Variants in DNAH2 observed in about 807,000 individuals in gnomAD.
The protein encoded by DNAH2 is axonemal beta dynein heavy chain 2.
DNAH2 carries 323 observed loss-of-function variants against 523.5 expected under a neutral mutation model. The observed-to-expected ratio is 0.62, with a 90% CI of 0.56 to 0.68. DNAH2 has a LOEUF of 0.68. Among genes scored for constraint, DNAH2 ranks in the 30% least tolerant of loss-of-function variants. DNAH2 has a pLI of 0.00. For synonymous variants in DNAH2, 2,093 were observed against 2,177.4 expected, an observed-to-expected ratio of 0.96 and a Z score of 1.08; for missense variants, 4,907 against 5,701.5, an observed-to-expected ratio of 0.86 and a Z score of 4.49.
chr17:7,766,875 C>T (rs2076184695), intron 22 of DNAH2, among the ~76,000 whole-genome samples: 1 of 151,920 alleles, frequency 6.6e-6, no homozygotes, highest in Non-Finnish European at 1.5e-5. Context: ...GTCTCGAACT[C>T]CTGACCTCAG....
intron 12 of DNAH2, among the ~76,000 whole-genome samples, chr17:7,753,268 A>T (rs567023786): frequency 1.5e-4 from 23 of 152,124 alleles, no homozygotes; most frequent in South Asian, 1.0e-3. Context: ...GTTTCTAGAC[A>T]CATTGAGTTT....
At chr17:7,826,562 T>G (rs576306869) in intron 77 of DNAH2, among the ~76,000 whole-genome samples, 1 of 130,332 alleles carries the variant, frequency 7.7e-6, no homozygotes, top group Non-Finnish European at 1.6e-5. Flanking sequence ...TTTTTTGAGA[T>G]GGAGCCTCAC....
chr17:7,792,835 G>C lies in DNAH2; in HGVS notation c.7324G>C (p.Val2442Leu). 6.2e-7 allele frequency: 1 copy of C among 1,614,138 alleles called. No individual in the cohort carries two copies. The highest frequency in any genetic ancestry group is 8.5e-7 in the Non-Finnish European group (1 of 1,179,994). Reference sequence around the variant, plus strand: ...GCCCTCCAGCCAGTGGTCGGTGCTCGTTGTCAACATGTCCGCACAGGTGTG... The same window carrying C: ...GCCCTCCAGCCAGTGGTCGGTGCTCCTTGTCAACATGTCCGCACAGGTGTG... ...SLPSSQWSVL[V>L]VNMSAQTTSN... Residue 2442 changes from valine to leucine, a missense_variant, in exon 47 of 86, where the codon GTT becomes CTT. Coordinates refer to ENST00000572933, the MANE Select transcript of DNAH2 (RefSeq NM_020877.5).
chr17:7,814,040 G>A (rs1034300803), intron 63 of DNAH2, among the ~76,000 whole-genome samples: 1 of 151,918 alleles, frequency 6.6e-6, no homozygotes, highest in South Asian at 2.1e-4. Flanking sequence ...AAATGATTCT[G>A]TGCATGGACT....
At chr17:7,761,204 T>A (rs1431050700) in intron 18 of DNAH2, among the ~76,000 whole-genome samples, 1 of 152,188 alleles carries the variant, frequency 6.6e-6, no homozygotes, top group Admixed American at 6.5e-5. Flanking sequence ...ATCTGGAAGA[T>A]GAAAGAAGTG....
At chr17:7,799,904 T>C (rs1015137036) in intron 56 of DNAH2, among the ~76,000 whole-genome samples, 1 of 152,236 alleles carries the variant, frequency 6.6e-6, no homozygotes, top group Non-Finnish European at 1.5e-5. Context: ...ACACTCACAC[T>C]GTTGTGTAAC....
chr17:7,823,638 G>A lies in DNAH2; in HGVS notation c.11329+10G>A, dbSNP rs746835414. 1.2e-5 allele frequency: 20 copies of A among 1,612,524 alleles called. No individual in the cohort carries two copies. Among genetic ancestry groups the A allele is most frequent in the Admixed American group, 1.0e-4 (6 of 59,966 alleles). ...AAGGCGATGCTGCCAGGTACCAGGC[G>A]TCTGTGTCCCACTCTCACTTTTCTC... On this transcript the variant is annotated intron_variant, in intron 74 of 85. Transcript: ENST00000572933.
At chr17:7,789,948 C>T (rs1022075284) in intron 44 of DNAH2, among the ~76,000 whole-genome samples, 1 of 152,180 alleles carries the variant, frequency 6.6e-6, no homozygotes, top group Non-Finnish European at 1.5e-5. Flanking sequence ...ATCACATTAT[C>T]TGTGGTCCTA....
At chr17:7,723,009 G>A (rs1457463478) in intron 2 of DNAH2, among the ~76,000 whole-genome samples, 11 of 108,108 alleles carry the variant, frequency 1.0e-4, no homozygotes, top group Admixed American at 2.9e-4. Context: ...TCGCTCTGTT[G>A]CCCAGGCTGG....
At chr17:7,741,955 G>A (rs922232089) in intron 11 of DNAH2, among the ~76,000 whole-genome samples, 12 of 151,886 alleles carry the variant, frequency 7.9e-5, no homozygotes, top group South Asian at 2.1e-4. Context: ...GAGCCACTGC[G>A]CCCGGCCTCA....
Position 7,768,195 on chromosome 17 carries a change from G to C in DNAH2, c.3869G>C (p.Arg1290Pro), listed in dbSNP as rs771470080. The change falls in exon 24 of 86, where the codon CGC becomes CCC. Residue 1290 changes from arginine to proline, a missense_variant. By Grantham distance (103) the Arg-to-Pro change is moderately radical. Coordinates refer to ENST00000572933, the MANE Select transcript of DNAH2 (RefSeq NM_020877.5). ...DRNWEIIETT[R>P]SKIEQFKRTM... is the part of the protein sequence containing the mutation. ...AACTGGGAAATTATTGAAACCACTC[G>C]CTCAAAAATAGAGCAGTTCAAGAGG... 1 of 1,613,994 alleles carries C rather than the reference G, an allele frequency of 6.2e-7. No individual in the cohort carries two copies. Among genetic ancestry groups the C allele is most frequent in the African/African-American group, 1.3e-5 (1 of 74,896 alleles).
intron 77 of DNAH2, among the ~76,000 whole-genome samples, chr17:7,829,791 G>C (rs1388397812): frequency 6.6e-6 from 1 of 151,878 alleles, no homozygotes; most frequent in African/African-American, 2.4e-5. Context: ...TTGGGAGGCC[G>C]AGGCGGGTGG....
intron 11 of DNAH2, among the ~76,000 whole-genome samples, chr17:7,741,318 C>CTT (rs1326616503): frequency 0.045 from 3,752 of 82,566 alleles, 343 homozygotes; most frequent in South Asian, 0.059. Context: ...TCCCTCCCTC[C>CTT]CTCCCTCCTT....
rs373221666 is a variant in DNAH2, at chr17:7,723,695, C to T, written c.228+6C>T. The T allele has an allele frequency of 3.7e-6, 6 of 1,613,546 alleles. No homozygotes were observed. The African/African-American group carries it at 6.7e-5, about 18-fold the overall frequency. On this transcript the variant is annotated splice_donor_region_variant and intron_variant, in intron 3 of 85. Coordinates refer to ENST00000572933, the MANE Select transcript of DNAH2 (RefSeq NM_020877.5). Reference sequence around the variant, plus strand: ...TGGAGCCCGAGGCAGATGTGGTAGGCTTGGGTCTTCCCTGTGGCAGATATT... The same window carrying T: ...TGGAGCCCGAGGCAGATGTGGTAGGTTTGGGTCTTCCCTGTGGCAGATATT...
Position 7,780,533 on chromosome 17 carries a change from G to T in DNAH2, c.5851-97G>T. ...ATAGAGTGCCTCCTAGCTGCTTCAT[G>T]TCCTGGGACCTGGCTTCTTGTCTCT... is the stretch of plus-strand genomic sequence containing the variant. On this transcript the variant is annotated intron_variant, in intron 37 of 85. Coordinates refer to ENST00000572933, the MANE Select transcript of DNAH2 (RefSeq NM_020877.5). The surrounding 1 kb of genome is among the most constrained non-coding windows in gnomAD (Gnocchi z 4.4). 1 of 1,549,056 alleles carries T rather than the reference G, an allele frequency of 6.5e-7. No homozygotes were observed. Among genetic ancestry groups the T allele is most frequent in the East Asian group, 2.3e-5 (1 of 44,320 alleles).
intron 44 of DNAH2, among the ~76,000 whole-genome samples, chr17:7,788,473 T>C (rs574943166): frequency 1.3e-5 from 2 of 152,252 alleles, no homozygotes; most frequent in Admixed American, 1.3e-4. Context: ...GGGTTCTGAA[T>C]TGAATATGTA....
Position 7,763,867 on chromosome 17 carries a change from G to T in DNAH2, c.3015G>T (p.Glu1005Asp), listed in dbSNP as rs748825403. ...TTGCTAATAACGTGCAGAAGGAGGA[G>T]ACAGTCACCAACATCCAGTTTGTGC... ...TEVANNVQKE[E>D]TVTNIQFVLL... Residue 1005 changes from glutamate to aspartate, a missense_variant, in exon 19 of 86, where the codon GAG becomes GAT. By Grantham distance (45) the Glu-to-Asp change is conservative (BLOSUM62 2). Coordinates refer to ENST00000572933, the MANE Select transcript of DNAH2 (RefSeq NM_020877.5). 2.5e-6 allele frequency: 4 copies of T among 1,614,186 alleles called. No homozygotes were observed. The highest frequency in any genetic ancestry group is 4.5e-5 in the East Asian group (2 of 44,884).
intron 12 of DNAH2, among the ~76,000 whole-genome samples, chr17:7,751,920 G>GGGGGGTGTGTGT (rs111751776): frequency 2.7e-5 from 4 of 145,876 alleles, no homozygotes; most frequent in African/African-American, 7.6e-5. Context: ...ATAGTTGTGG[G>GGGGGGTGTGTGT]GTGTGTGTGT....
At chr17:7,789,260 C>T (rs1464933188) in intron 44 of DNAH2, among the ~76,000 whole-genome samples, 1 of 152,220 alleles carries the variant, frequency 6.6e-6, no homozygotes, top group African/African-American at 2.4e-5. Flanking sequence ...CCACAGATGT[C>T]AAGAAGGACG....
Sources: gnomAD v4.1 joint callset for allele counts (sites outside exome capture counted in the v4.1 genomes callset) on GRCh38, gnomAD v4.1.1 for gene constraint, Gnocchi (gnomAD v3.1) non-coding constraint, MANE v1.5 for transcripts, NCBI Gene and HGNC (gene_info 2026-07-23, HGNC 2026-07-21) for gene names.